WDFY2: variants seen among roughly 807,000 people sequenced by gnomAD.
The protein encoded by WDFY2 is WD repeat and FYVE domain containing 2.
Under a neutral mutation model 56.4 loss-of-function variants are expected in WDFY2, and 36 were observed. The ratio of observed to expected loss-of-function variants is 0.64; its 90% CI spans 0.49 to 0.84. The LOEUF is 0.84. WDFY2 is among the 40% of genes least tolerant of loss of function. The pLI is 0.00. For missense variants in WDFY2, 444 were observed against 512.2 expected, an observed-to-expected ratio of 0.87 and a Z score of 1.29; for synonymous variants, 176 against 183.7, an observed-to-expected ratio of 0.96 and a Z score of 0.34.
In WDFY2 at chr13:51,729,075, C is replaced by T. The variant is rs146637579; in HGVS notation, c.598+1285C>T. Among the ~76,000 whole-genome samples the T allele has an allele frequency of 2.6e-4, 40 of 152,298 alleles. No homozygotes were observed. The East Asian group carries it at 7.5e-3, about 29-fold the overall frequency. On this transcript the variant is annotated intron_variant, in intron 6 of 11. Coordinates refer to ENST00000298125, the MANE Select transcript of WDFY2 (RefSeq NM_052950.4). ...CTTTCCTCCCAGTGGTGCATCGCTT[C>T]ACCCACGGCTTCTCAGCGTTCTCAG...
At chr13:51,627,620 G>T (rs1286901287) in intron 1 of WDFY2, among the ~76,000 whole-genome samples, 1 of 152,096 alleles carries the variant, frequency 6.6e-6, no homozygotes, top group Non-Finnish European at 1.5e-5. Flanking sequence ...CTGACGTCAG[G>T]TGGTCCGCCC....
chr13:51,734,334 T>C (rs997079058), intron 6 of WDFY2, among the ~76,000 whole-genome samples: 7 of 152,224 alleles, frequency 4.6e-5, no homozygotes, highest in Non-Finnish European at 8.8e-5. Flanking sequence ...TTCTAACTAA[T>C]TGGAAACCTG....
intron 1 of WDFY2, among the ~76,000 whole-genome samples, chr13:51,652,564 A>C (rs2138432049): frequency 6.6e-6 from 1 of 152,276 alleles, no homozygotes; most frequent in East Asian, 1.9e-4. Context: ...TTCCATGCTT[A>C]GTGCTTCCTT....
At chr13:51,608,320 C>T (rs1954422334) in intron 1 of WDFY2, among the ~76,000 whole-genome samples, 1 of 152,212 alleles carries the variant, frequency 6.6e-6, no homozygotes, top group Admixed American at 6.5e-5. Flanking sequence ...TATTTTTCCT[C>T]ATGAACTATT....
intron 1 of WDFY2, among the ~76,000 whole-genome samples, chr13:51,585,443 A>C (rs1297485030): frequency 6.6e-6 from 1 of 152,180 alleles, no homozygotes; most frequent in East Asian, 1.9e-4. Context: ...TAGAACTTGT[A>C]ACGGATCACT....
rs904235509 is a variant in WDFY2 at position 51,593,779 on chromosome 13, A to C, written c.137+8955A>C. ...AATTTCTTTTACATATATTCTATAG[A>C]TATATTAAGAATATTAACCCCAGGC... On this transcript the variant is annotated intron_variant, in intron 1 of 11. Coordinates refer to ENST00000298125, the MANE Select transcript of WDFY2 (RefSeq NM_052950.4). 3.3e-5 allele frequency: 5 copies of C among 152,310 alleles called. No individual in the cohort carries two copies. The South Asian group carries it at 1.0e-3, about 32-fold the overall frequency. The allele number at this position is 152,310 out of a possible 1,614,324, so 9.4% of individuals were successfully genotyped here. A position where few individuals can be genotyped will look rare whatever the true frequency, so the allele number is the denominator to read the frequency against.
At chr13:51,715,905 A>C (rs887052841) in intron 4 of WDFY2, among the ~76,000 whole-genome samples, 1 of 152,188 alleles carries the variant, frequency 6.6e-6, no homozygotes, top group African/African-American at 2.4e-5. Context: ...GGAGCATGAC[A>C]GTATTCACAC....
At chr13:51,725,242 A>G (rs1300528259) in intron 5 of WDFY2, among the ~76,000 whole-genome samples, 1 of 152,224 alleles carries the variant, frequency 6.6e-6, no homozygotes, top group Non-Finnish European at 1.5e-5. Context: ...AATGAGCAAT[A>G]CTAAATAACA....
intron 1 of WDFY2, among the ~76,000 whole-genome samples, chr13:51,622,879 A>G (rs552875096): frequency 1.1e-4 from 14 of 133,090 alleles, no homozygotes; most frequent in Admixed American, 9.6e-4. Context: ...TTTTTTTGAG[A>G]TAGAGTCTAG....
chr13:51,670,728 C>CT (rs1383395872), intron 2 of WDFY2, among the ~76,000 whole-genome samples: 5 of 151,806 alleles, frequency 3.3e-5, no homozygotes, highest in Admixed American at 1.3e-4. Context: ...TAGAAGCAGT[C>CT]TTTTTTTTAA....
chr13:51,658,235 TTC>T (rs1955546248), intron 1 of WDFY2, among the ~76,000 whole-genome samples: 1 of 152,226 alleles, frequency 6.6e-6, no homozygotes, highest in Non-Finnish European at 1.5e-5. Flanking sequence ...GAGGTCTCTG[TTC>T]TGTTATGTCT....
At chr13:51,619,755 C>T (rs1954690741) in intron 1 of WDFY2, among the ~76,000 whole-genome samples, 1 of 152,222 alleles carries the variant, frequency 6.6e-6, no homozygotes, top group Admixed American at 6.5e-5. Flanking sequence ...AGAGCTGCCA[C>T]ATGGTCAGAT....
chr13:51,729,785 C>T (rs1952684353), intron 6 of WDFY2, among the ~76,000 whole-genome samples: 1 of 152,218 alleles, frequency 6.6e-6, no homozygotes, highest in South Asian at 2.1e-4. Context: ...TTCTTATTCT[C>T]TTAATAGCAA....
At chr13:51,756,710 T>C in intron 10 of WDFY2, 1 of 913,250 alleles carries the variant, frequency 1.1e-6, no homozygotes, top group Non-Finnish European at 1.3e-6. Context: ...TATGTGCCTT[T>C]AAATTAGCTG....
At chr13:51,746,471 T>C (rs994228795) in intron 7 of WDFY2, among the ~76,000 whole-genome samples, 1 of 152,236 alleles carries the variant, frequency 6.6e-6, no homozygotes, top group Non-Finnish European at 1.5e-5. Flanking sequence ...GTAAGTTGGC[T>C]GTATGAGTTC....
At chr13:51,633,519 G>A (rs1021236815) in intron 1 of WDFY2, among the ~76,000 whole-genome samples, 1 of 152,206 alleles carries the variant, frequency 6.6e-6, no homozygotes, top group Non-Finnish European at 1.5e-5. Context: ...TGTTGTGGGT[G>A]TTCTGGGAAC....
intron 1 of WDFY2, among the ~76,000 whole-genome samples, chr13:51,649,676 G>A (rs1322799486): frequency 1.4e-5 from 2 of 147,874 alleles, no homozygotes; most frequent in Non-Finnish European, 3.0e-5. Flanking sequence ...GTGAGAACAT[G>A]CAGTGTTTGG....
chr13:51,665,621 T>G (rs1955686361), intron 2 of WDFY2, among the ~76,000 whole-genome samples: 1 of 152,068 alleles, frequency 6.6e-6, no homozygotes. Context: ...GAGTTGGAGA[T>G]TTTTCTTACT....
Position 51,635,464 on chromosome 13 carries a change from A to AT in WDFY2, c.138-25125dup, listed in dbSNP as rs539391794. Among the ~76,000 whole-genome samples the AT allele has an allele frequency of 1.7e-4, 26 of 152,280 alleles. 1 individual carries two copies. The East Asian group carries it at 3.3e-3, about 19-fold the overall frequency. Reference sequence around the variant, plus strand: ...AAGGTGCTCTAAATGCCTATAAGCCATTTTTTTCGGCTTCCTGTCTTCTGT... The same window carrying AT: ...AAGGTGCTCTAAATGCCTATAAGCCATTTTTTTTCGGCTTCCTGTCTTCTGT... On this transcript the variant is annotated intron_variant, in intron 1 of 11. Transcript: ENST00000298125.
Sources: gnomAD v4.1 joint callset for allele counts (sites outside exome capture counted in the v4.1 genomes callset) on GRCh38, gnomAD v4.1.1 for gene constraint, MANE v1.5 for transcripts, NCBI Gene and HGNC (gene_info 2026-07-23, HGNC 2026-07-21) for gene names.